Variants in TMEM135 observed in about 807,000 individuals in gnomAD.
The protein encoded by TMEM135 is peroxisomal membrane protein 52.
Under a neutral mutation model 60.3 loss-of-function variants are expected in TMEM135, and 30 were observed. That is an observed-to-expected ratio of 0.50 (90% CI 0.37 to 0.68). TMEM135 has a LOEUF of 0.68. TMEM135 is among the 30% of genes least tolerant of loss of function. The pLI is 0.00. For missense variants in TMEM135, 468 were observed against 548.8 expected, an observed-to-expected ratio of 0.85 and a Z score of 1.47; for synonymous variants, 190 against 186.7, an observed-to-expected ratio of 1.02 and a Z score of -0.14.
At chr11:87,169,854 C>G (rs529729627) in intron 5 of TMEM135, among the ~76,000 whole-genome samples, 2 of 152,244 alleles carry the variant, frequency 1.3e-5, no homozygotes, top group African/African-American at 4.8e-5. Flanking sequence ...GCCTGTCTTG[C>G]TAAGTTGGGA....
chr11:87,290,899 A>G (rs1194482729), intron 6 of TMEM135, among the ~76,000 whole-genome samples: 2 of 152,324 alleles, frequency 1.3e-5, no homozygotes, highest in East Asian at 3.9e-4. Context: ...GTCTACATAT[A>G]TGAGTTAAAT....
At chr11:87,124,793 C>T (rs1481701507) in intron 4 of TMEM135, among the ~76,000 whole-genome samples, 1 of 151,876 alleles carries the variant, frequency 6.6e-6, no homozygotes, top group Non-Finnish European at 1.5e-5. Flanking sequence ...TCATTTATCC[C>T]TTCCTCCCTC....
chr11:87,167,474 T>G (rs1939087615), intron 5 of TMEM135, among the ~76,000 whole-genome samples: 1 of 152,212 alleles, frequency 6.6e-6, no homozygotes, highest in African/African-American at 2.4e-5. Flanking sequence ...TATTTTGAGA[T>G]ATGATCCATC....
intron 4 of TMEM135, among the ~76,000 whole-genome samples, chr11:87,099,093 T>C (rs572438873): frequency 8.5e-5 from 13 of 152,368 alleles, no homozygotes; most frequent in African/African-American, 2.9e-4. Flanking sequence ...ATTTGAGTTT[T>C]AGTGTATTTT....
chr11:87,157,355 A>C lies in TMEM135; in HGVS notation c.411A>C (p.Leu137=), dbSNP rs1207346573. ...IYMANLATET[L]FRMGVARGTI... is the part of the protein sequence containing the mutation. Reference sequence around the variant, plus strand: ...TTAATTTACAGGCCACAGAAACACTATTCAGAATGGGTGTAGCAAGAGGAA... The same window carrying C: ...TTAATTTACAGGCCACAGAAACACTCTTCAGAATGGGTGTAGCAAGAGGAA... The change falls in exon 5 of 15, where the codon CTA becomes CTC. Residue 137 remains leucine (L), a synonymous_variant. Transcript: ENST00000305494. 1 of 1,613,034 alleles carries C rather than the reference A, an allele frequency of 6.2e-7. No homozygotes were observed. The highest frequency in any genetic ancestry group is 1.3e-5 in the African/African-American group (1 of 74,798).
intron 5 of TMEM135, among the ~76,000 whole-genome samples, chr11:87,185,006 G>C (rs1939614803): frequency 6.6e-6 from 1 of 152,032 alleles, no homozygotes. Context: ...CCCCAATGTA[G>C]CCATCATCCA....
chr11:87,235,606 C>T (rs1440320773), intron 5 of TMEM135, among the ~76,000 whole-genome samples: 1 of 151,738 alleles, frequency 6.6e-6, no homozygotes, highest in Non-Finnish European at 1.5e-5. Flanking sequence ...TTGTGGTCAC[C>T]CTTTCACAAT....
At chr11:87,129,079 T>G (rs1033392515) in intron 4 of TMEM135, among the ~76,000 whole-genome samples, 5 of 151,778 alleles carry the variant, frequency 3.3e-5, no homozygotes, top group Non-Finnish European at 7.4e-5. Context: ...GTCTTCTAAC[T>G]ATCTGATTTT....
At position 87,327,973 on chromosome 11, in the gene TMEM135, G is replaced by A. The variant is rs1424020494; in HGVS notation, c.*6640G>A. The stretch of plus-strand genomic sequence containing the variant: ...ATTGAGGGCAGATCTTCTCTGCCTA[G>A]TCCACGCTAACTCACATGCCAATCT... On this transcript the variant is annotated 3_prime_UTR_variant, in exon 15 of 15. Coordinates refer to ENST00000305494, the MANE Select transcript of TMEM135 (RefSeq NM_022918.4). 2 of 453,858 alleles carry A rather than the reference G, an allele frequency of 4.4e-6. No individual in the cohort carries two copies. 28.1% of individuals were successfully genotyped at this position (453,858 alleles called of 1,614,324 possible).
intron 5 of TMEM135, among the ~76,000 whole-genome samples, chr11:87,190,701 G>GA (rs1330080957): frequency 6.6e-6 from 1 of 152,154 alleles, no homozygotes; most frequent in Non-Finnish European, 1.5e-5. Flanking sequence ...AGAGTGACCT[G>GA]AAAGAGAAAG....
intron 1 of TMEM135, among the ~76,000 whole-genome samples, chr11:87,040,724 T>C (rs769477953): frequency 6.6e-6 from 1 of 152,138 alleles, no homozygotes; most frequent in Non-Finnish European, 1.5e-5. Flanking sequence ...ATTTACCAGC[T>C]ATTTGACTTT....
chr11:87,298,745 C>T (rs1942390605), intron 7 of TMEM135, among the ~76,000 whole-genome samples: 1 of 141,258 alleles, frequency 7.1e-6, no homozygotes, highest in Non-Finnish European at 1.5e-5. Flanking sequence ...TTTGATCATG[C>T]CACTGCACTC....
At position 87,071,621 on chromosome 11, in the gene TMEM135, A is replaced by C. The variant is rs75455263; in HGVS notation, c.362+6A>C. On this transcript the variant is annotated splice_donor_region_variant and intron_variant, in intron 3 of 14. Transcript: ENST00000305494. The stretch of plus-strand genomic sequence containing the variant: ...CTCATTGAAAGAAAAAGCAGGTAAA[A>C]TTTCATATATTTATTTAACGGAACT... The C allele has an allele frequency of 0.011, 18,066 of 1,611,004 alleles. 1,484 individuals are homozygous for C. The African/African-American group carries it at 0.19, about 17-fold the overall frequency.
chr11:87,157,987 T>A (rs1290951497), intron 5 of TMEM135: 1 of 152,814 alleles, frequency 6.5e-6, no homozygotes, highest in African/African-American at 2.4e-5. Context: ...GCTCTTTCTT[T>A]ATTTTCTCCT....
chr11:87,114,548 C>G (rs185624018), intron 4 of TMEM135, among the ~76,000 whole-genome samples: 66 of 152,250 alleles, frequency 4.3e-4, no homozygotes, highest in African/African-American at 1.4e-3. Context: ...TTGGAACATA[C>G]TTGTAGAGCA....
chr11:87,282,022 C>T (rs751609357), intron 6 of TMEM135, among the ~76,000 whole-genome samples: 1 of 152,164 alleles, frequency 6.6e-6, no homozygotes, highest in African/African-American at 2.4e-5. Context: ...TTTAAGAATC[C>T]TGTGGAGATT....
Position 87,246,820 on chromosome 11 carries a change from G to A in TMEM135, c.509+10136G>A, listed in dbSNP as rs1414116004. 3.5e-5 allele frequency among the ~76,000 whole-genome samples: 4 copies of A among 114,790 alleles called. No homozygotes were observed. The East Asian group carries it at 8.2e-4, about 24-fold the overall frequency. 75.3% of individuals were successfully genotyped at this position (114,790 alleles called of 152,430 possible). A position where few individuals can be genotyped will look rare whatever the true frequency, so the allele number is the denominator to read the frequency against. Reference sequence around the variant, plus strand: ...GAATTTCCTCCTGTAGCTCAGAGTAGTTTGATTGTCTGAAGGCTTCTTCTC... The same window carrying A: ...GAATTTCCTCCTGTAGCTCAGAGTAATTTGATTGTCTGAAGGCTTCTTCTC... On this transcript the variant is annotated intron_variant, in intron 6 of 14. Transcript: ENST00000305494.
At chr11:87,153,636 A>G (rs2135262748) in intron 4 of TMEM135, among the ~76,000 whole-genome samples, 1 of 152,162 alleles carries the variant, frequency 6.6e-6, no homozygotes, top group Middle Eastern at 3.4e-3. Flanking sequence ...GCACATATTC[A>G]CATGCATATG....
chr11:87,098,166 C>T (rs1857373238), intron 4 of TMEM135, among the ~76,000 whole-genome samples: 1 of 149,712 alleles, frequency 6.7e-6, no homozygotes, highest in African/African-American at 2.5e-5. Flanking sequence ...TGTGAAAAAT[C>T]AGACCTTGGC....
Sources: gnomAD v4.1 joint callset for allele counts (sites outside exome capture counted in the v4.1 genomes callset) on GRCh38, gnomAD v4.1.1 for gene constraint, MANE v1.5 for transcripts, NCBI Gene and HGNC (gene_info 2026-07-23, HGNC 2026-07-21) for gene names.